Variants in ZNF609 observed in about 807,000 individuals in gnomAD.
ZNF609 encodes the protein zinc finger protein 609.
A neutral mutation model predicts 109.5 loss-of-function variants in ZNF609; 11 were observed. That is an observed-to-expected ratio of 0.10 (90% CI 0.06 to 0.17). The LOEUF is 0.17. Among genes scored for constraint, ZNF609 ranks in the 10% least tolerant of loss-of-function variants. ZNF609 has a pLI of 1.00. For missense variants in ZNF609, 1,559 were observed against 1,772.4 expected (o/e 0.88, Z 2.16); for synonymous variants, 646 against 662.0 (o/e 0.98, Z 0.37).
intron 1 of ZNF609, among the ~76,000 whole-genome samples, chr15:64,479,081 A>G (rs1162400289): frequency 6.6e-6 from 1 of 152,084 alleles, no homozygotes; most frequent in Non-Finnish European, 1.5e-5. Flanking sequence ...CTAGAAATCT[A>G]GGCAATGTGG....
intron 2 of ZNF609, among the ~76,000 whole-genome samples, chr15:64,575,196 G>A (rs1894929368): frequency 6.6e-6 from 1 of 152,124 alleles, no homozygotes; most frequent in Non-Finnish European, 1.5e-5. Flanking sequence ...TGGCTGAGGC[G>A]GGTGGATTAC....
chr15:64,492,333 A>T (rs892785974), intron 1 of ZNF609, among the ~76,000 whole-genome samples: 2 of 151,932 alleles, frequency 1.3e-5, no homozygotes, highest in East Asian at 3.9e-4. Flanking sequence ...AGAAGAAAAG[A>T]TTGCCATTTC....
At chr15:64,490,394 C>G (rs1893398020) in intron 1 of ZNF609, among the ~76,000 whole-genome samples, 1 of 152,010 alleles carries the variant, frequency 6.6e-6, no homozygotes, top group African/African-American at 2.4e-5. Context: ...CTGCCTCAGC[C>G]TCCCTAGTAG....
chr15:64,631,108 A>C, intron 3 of ZNF609: 1 of 508,378 alleles, frequency 2.0e-6, no homozygotes, highest in East Asian at 4.8e-5. Flanking sequence ...TTTAACACCC[A>C]TTATGCTGTG....
chr15:64,607,535 C>T (rs1419042971), intron 2 of ZNF609, among the ~76,000 whole-genome samples: 2 of 139,596 alleles, frequency 1.4e-5, no homozygotes, highest in Non-Finnish European at 3.1e-5. Flanking sequence ...GACAGAATCT[C>T]ACTGTGTTGC....
At chr15:64,647,357 A>T (rs1018893997) in intron 3 of ZNF609, among the ~76,000 whole-genome samples, 2 of 152,164 alleles carry the variant, frequency 1.3e-5, no homozygotes, top group East Asian at 1.9e-4. Flanking sequence ...ATTTCAGGTG[A>T]TGAAAAAGTT....
In ZNF609 at chr15:64,682,071, A is replaced by T. The variant is rs552246560; in HGVS notation, c.*385A>T. 8.4e-6 allele frequency: 1 copy of T among 118,942 alleles called. No homozygotes were observed. The highest frequency in any genetic ancestry group is 2.8e-4 in the East Asian group (1 of 3,606). The allele number at this position is 118,942 out of a possible 1,614,324, so 7.4% of individuals were successfully genotyped here. On this transcript the variant is annotated 3_prime_UTR_variant, in exon 10 of 10. Coordinates refer to ENST00000326648, the MANE Select transcript of ZNF609 (RefSeq NM_015042.2). The stretch of plus-strand genomic sequence containing the variant: ...TGGAGCAGTACCAGCCCCCCCGCCC[A>T]CCAGGGAGGGACCCCCACCCCCAAG...
intron 2 of ZNF609, among the ~76,000 whole-genome samples, chr15:64,620,375 A>C (rs527364917): frequency 2.0e-4 from 30 of 152,292 alleles, no homozygotes; most frequent in African/African-American, 6.3e-4. Flanking sequence ...AGTGACTCTC[A>C]AGAGTTTGTT....
chr15:64,565,039 G>A (rs922958410), intron 2 of ZNF609, among the ~76,000 whole-genome samples: 20 of 148,054 alleles, frequency 1.4e-4, no homozygotes, highest in South Asian at 8.6e-4. Context: ...TAGTAGAGAC[G>A]GGGTTTTCTT....
chr15:64,611,482 A>G (rs1895715180), intron 2 of ZNF609, among the ~76,000 whole-genome samples: 3 of 152,174 alleles, frequency 2.0e-5, no homozygotes, highest in African/African-American at 7.2e-5. Flanking sequence ...AATTTCAAGC[A>G]TAATTTATCT....
At chr15:64,574,580 T>C (rs1260089846) in intron 2 of ZNF609, among the ~76,000 whole-genome samples, 1 of 152,140 alleles carries the variant, frequency 6.6e-6, no homozygotes, top group Non-Finnish European at 1.5e-5. Flanking sequence ...GGACTACATA[T>C]CTTTATTGCT....
At chr15:64,554,711 G>T (rs964788764) in intron 2 of ZNF609, among the ~76,000 whole-genome samples, 4 of 152,082 alleles carry the variant, frequency 2.6e-5, no homozygotes, top group African/African-American at 9.7e-5. Context: ...AATTTCAGGT[G>T]TTCAAACAAA....
chr15:64,572,226 G>C (rs566811584), intron 2 of ZNF609, among the ~76,000 whole-genome samples: 1 of 152,278 alleles, frequency 6.6e-6, no homozygotes, highest in South Asian at 2.1e-4. Context: ...GGCCAGGTGT[G>C]GTAGCTGATG....
At chr15:64,637,989 T>G (rs1022764681) in intron 3 of ZNF609, among the ~76,000 whole-genome samples, 96 of 84,114 alleles carry the variant, frequency 1.1e-3, no homozygotes, top group African/African-American at 3.2e-3. Context: ...TCTGAGAACC[T>G]TGTTTTATAT....
At position 64,551,594 on chromosome 15, in the gene ZNF609, G is replaced by C. The variant is rs141404753; in HGVS notation, c.747+51428G>C. On this transcript the variant is annotated intron_variant, in intron 2 of 9. Transcript: ENST00000326648. ...TTGAACCTGGGAAGCGGAGGTTATG[G>C]TGAGCCGAGATCGCGCCACTGCACT... Among the ~76,000 whole-genome samples, 4,010 of 138,186 alleles carry C rather than the reference G, an allele frequency of 0.029. 377 individuals carry two copies. In the South Asian group the frequency reaches 0.31, roughly 11 times the overall value. The allele number at this position is 138,186 out of a possible 152,430, so 90.7% of individuals were successfully genotyped here. A position where few individuals can be genotyped will look rare whatever the true frequency, so the allele number is the denominator to read the frequency against.
intron 3 of ZNF609, among the ~76,000 whole-genome samples, chr15:64,650,437 T>C (rs998439269): frequency 6.7e-6 from 1 of 149,332 alleles, no homozygotes; most frequent in Admixed American, 6.7e-5. Context: ...AAAAAAATTG[T>C]AAAAAAAATA....
At chr15:64,640,092 G>T (rs1896231840) in intron 3 of ZNF609, among the ~76,000 whole-genome samples, 1 of 151,266 alleles carries the variant, frequency 6.6e-6, no homozygotes, top group Non-Finnish European at 1.5e-5. Flanking sequence ...GCTAATTGTT[G>T]TATTTTTTTT....
intron 3 of ZNF609, among the ~76,000 whole-genome samples, chr15:64,657,857 A>G (rs117273200): frequency 0.031 from 4,779 of 151,890 alleles, 114 homozygotes; most frequent in South Asian, 0.08. Context: ...CAGAAAGTCA[A>G]CTCTATTTAC....
intron 1 of ZNF609, among the ~76,000 whole-genome samples, chr15:64,481,254 A>G (rs1893248120): frequency 6.6e-6 from 1 of 152,156 alleles, no homozygotes; most frequent in Admixed American, 6.6e-5. Flanking sequence ...AGGACCATAC[A>G]AAACAGTTGG....
Sources: allele counts gnomAD v4.1 joint callset (sites outside exome capture counted in the v4.1 genomes callset), GRCh38; gene constraint gnomAD v4.1.1; transcripts MANE v1.5; gene names NCBI Gene and HGNC (gene_info 2026-07-23, HGNC 2026-07-21).